The following SLC25A53 variants were observed in gnomAD, a reference collection of about 807,000 sequenced individuals.
SLC25A53 encodes the protein mitochondrial carrier triple repeat protein 6.
Under a neutral mutation model 15.0 loss-of-function variants are expected in SLC25A53, and 5 were observed. The ratio of observed to expected loss-of-function variants is 0.33; its 90% CI spans 0.17 to 0.70. SLC25A53 has a LOEUF of 0.70. Among genes scored for constraint, SLC25A53 ranks in the 30% least tolerant of loss-of-function variants. The pLI, the probability that SLC25A53 is intolerant of heterozygous loss-of-function variation, is 0.67. For missense variants in SLC25A53, 216 were observed against 241.6 expected (o/e 0.89, Z 0.70); for synonymous variants, 95 against 100.0 (o/e 0.95, Z 0.30).
intron 1 of SLC25A53, chrX:104,131,068 T>C (rs2075424550): frequency 1.8e-5 from 2 of 111,847 alleles, no homozygotes; most frequent in South Asian, 7.6e-4. Context: ...TAGGTTGTTT[T>C]GGAGGGACCA....
intron 1 of SLC25A53, among the ~76,000 whole-genome samples, chrX:104,147,233 G>A (rs1299892520): frequency 1.8e-5 from 2 of 111,077 alleles, no homozygotes; most frequent in African/African-American, 6.6e-5. Context: ...ATGGTGCTGG[G>A]AAAACTGGCT....
intron 1 of SLC25A53, 48 bp from the exon 2 acceptor site, chrX:104,105,336 T>C: frequency 1.1e-6 from 1 of 896,432 alleles, no homozygotes. Context: ...TTAATTCTGT[T>C]GGCAAGCATT....
rs1280518773 is a variant in SLC25A53 at position 104,102,243 on chromosome X, T to C, written c.*2091A>G. 1 of 111,835 alleles carries C rather than the reference T, an allele frequency of 8.9e-6. No individual in the cohort carries two copies. The highest frequency in any genetic ancestry group is 3.2e-5 in the African/African-American group (1 of 30,774). The allele number at this position is 111,835 out of a possible 1,213,427, so 9.2% of individuals were successfully genotyped here. A position where few individuals can be genotyped will look rare whatever the true frequency, so the allele number is the denominator to read the frequency against. On this transcript the variant is annotated 3_prime_UTR_variant, in exon 2 of 2. Transcript: ENST00000594199. ...CAAGTAAGACAAATACAGGACAAAT[T>C]TGGTTCAGTAAGGAGATGCAAGAGG... is the stretch of plus-strand genomic sequence containing the variant.
In SLC25A53 at chrX:104,099,639, A is replaced by G. The variant is rs1303452325; in HGVS notation, c.*4695T>C. On this transcript the variant is annotated 3_prime_UTR_variant, in exon 2 of 2. Transcript: ENST00000594199. The stretch of plus-strand genomic sequence containing the variant: ...AATGTTTGAACATCTGTAAAACAAA[A>G]CTGTTGTTTAGAGATGCTTATAAGG... The G allele has an allele frequency of 3.6e-5, 4 of 112,319 alleles. No homozygotes were observed. The highest frequency in any genetic ancestry group is 7.5e-5 in the Non-Finnish European group (4 of 53,290). 9.3% of individuals were successfully genotyped at this position (112,319 alleles called of 1,213,427 possible).
intron 1 of SLC25A53, among the ~76,000 whole-genome samples, chrX:104,110,964 A>C (rs1308019936): frequency 1.8e-5 from 2 of 112,816 alleles, no homozygotes; most frequent in Non-Finnish European, 3.7e-5. Context: ...AAATCTGCAA[A>C]GCTGTGGGCT....
At chrX:104,130,362 C>G (rs965302985) in intron 1 of SLC25A53, among the ~76,000 whole-genome samples, 7 of 111,372 alleles carry the variant, frequency 6.3e-5, no homozygotes, top group African/African-American at 2.0e-4. Flanking sequence ...ATGGCTTTAG[C>G]AGAAGGTAAC....
chrX:104,130,184 C>T (rs1056666080), intron 1 of SLC25A53, among the ~76,000 whole-genome samples: 16 of 110,840 alleles, frequency 1.4e-4, no homozygotes, highest in African/African-American at 4.9e-4. Context: ...TAATCCAGTA[C>T]GCACTCCCTG....
intron 1 of SLC25A53, among the ~76,000 whole-genome samples, chrX:104,110,465 T>C (rs1556357868): frequency 9.0e-6 from 1 of 111,501 alleles, no homozygotes; most frequent in Non-Finnish European, 1.9e-5. Flanking sequence ...GATCTTGGGG[T>C]TGTAAATAAG....
At chrX:104,117,351 G>A (rs1308418547) in intron 1 of SLC25A53, among the ~76,000 whole-genome samples, 1 of 110,400 alleles carries the variant, frequency 9.1e-6, no homozygotes, top group Non-Finnish European at 1.9e-5. Flanking sequence ...TTGGTGGAGG[G>A]AGATGGAGGC....
intron 1 of SLC25A53, among the ~76,000 whole-genome samples, chrX:104,122,374 AT>A (rs1318959010): frequency 3.3e-5 from 3 of 92,291 alleles, no homozygotes; most frequent in Non-Finnish European, 6.2e-5. Flanking sequence ...CAGTGGTGTG[AT>A]TTCTTCTCAG....
chrX:104,132,475 G>A (rs1323883364), intron 1 of SLC25A53, among the ~76,000 whole-genome samples: 1 of 112,235 alleles, frequency 8.9e-6, no homozygotes, highest in Non-Finnish European at 1.9e-5. Context: ...TCCAGATTGT[G>A]TATAATTTCT....
At chrX:104,152,977 A>T (rs1352222687) in intron 1 of SLC25A53, among the ~76,000 whole-genome samples, 3 of 111,491 alleles carry the variant, frequency 2.7e-5, no homozygotes, top group Non-Finnish European at 3.8e-5. Flanking sequence ...AATGTGTCCT[A>T]GCCTTTTTCA....
At chrX:104,133,418 G>A in intron 1 of SLC25A53, among the ~76,000 whole-genome samples, 1 of 111,135 alleles carries the variant, frequency 9.0e-6, no homozygotes, top group African/African-American at 3.3e-5. Context: ...TATAGAGGTG[G>A]GTGGCTGGTT....
intron 1 of SLC25A53, chrX:104,113,086 G>A (rs1481670283): frequency 3.6e-5 from 4 of 109,968 alleles, no homozygotes; most frequent in East Asian, 5.8e-4. Context: ...GGGGCGGGAG[G>A]AGACGATCGC....
chrX:104,138,247 A>C (rs1425468537), intron 1 of SLC25A53, among the ~76,000 whole-genome samples: 1 of 111,670 alleles, frequency 9.0e-6, no homozygotes, highest in African/African-American at 3.3e-5. Context: ...TCTCTACAAA[A>C]AAAAAACAAA....
Sources: allele counts gnomAD v4.1 joint callset (sites outside exome capture counted in the v4.1 genomes callset), GRCh38; gene constraint gnomAD v4.1.1; transcripts MANE v1.5; gene names NCBI Gene and HGNC (gene_info 2026-07-23, HGNC 2026-07-21).